The following SIN3A variants were observed in gnomAD, a reference collection of about 807,000 sequenced individuals.
SIN3A encodes the protein paired amphipathic helix protein Sin3a.
SIN3A carries 14 observed loss-of-function variants against 146.1 expected under a neutral mutation model. The observed-to-expected ratio is 0.10, with a 90% CI of 0.06 to 0.15. The LOEUF is 0.15. Among genes scored for constraint, SIN3A ranks in the 10% least tolerant of loss-of-function variants. The probability of loss-of-function intolerance (pLI) is 1.00; values close to 1 mark genes in which losing one functional copy is unlikely to be tolerated. For synonymous variants in SIN3A, 572 were observed against 572.0 expected, an observed-to-expected ratio of 1.00 and a Z score of 0.00; for missense variants, 1,028 against 1,576.0, an observed-to-expected ratio of 0.65 and a Z score of 5.89.
At chr15:75,431,939 C>G (rs933230101) in intron 1 of SIN3A, among the ~76,000 whole-genome samples, 2 of 152,202 alleles carry the variant, frequency 1.3e-5, no homozygotes, top group African/African-American at 4.8e-5. Context: ...TTTGTAAACT[C>G]AAGCCACAAA....
intron 1 of SIN3A, among the ~76,000 whole-genome samples, chr15:75,448,577 G>T (rs1391497190): frequency 6.6e-6 from 1 of 152,008 alleles, no homozygotes; most frequent in Non-Finnish European, 1.5e-5. Flanking sequence ...TTTTTCAAGG[G>T]GCGAGGAAGG....
chr15:75,409,379 A>G (rs1484174291), intron 8 of SIN3A, among the ~76,000 whole-genome samples: 1 of 152,160 alleles, frequency 6.6e-6, no homozygotes, highest in Non-Finnish European at 1.5e-5. Context: ...TAAACTCTGC[A>G]CTGAGTTTCT....
intron 1 of SIN3A, among the ~76,000 whole-genome samples, chr15:75,449,614 T>C (rs543984440): frequency 6.6e-6 from 1 of 152,348 alleles, no homozygotes; most frequent in East Asian, 1.9e-4. Context: ...AAGGCTACCC[T>C]GATCCACAAT....
rs547461617 is a variant in SIN3A at position 75,435,208 on chromosome 15, G to A, written c.-33-4800C>T. Among the ~76,000 whole-genome samples the A allele has an allele frequency of 4.0e-4, 61 of 151,946 alleles. No homozygotes were observed. The South Asian group carries it at 0.012, about 30-fold the overall frequency. ...AAAACATACTAGATTTTGGAATACT[G>A]AAACTATCAATTCCACTTTCAGGCC... On this transcript the variant is annotated intron_variant, in intron 1 of 20. Coordinates refer to ENST00000394947, the MANE Select transcript of SIN3A (RefSeq NM_001145358.2).
intron 1 of SIN3A, among the ~76,000 whole-genome samples, chr15:75,437,793 A>G (rs2074132124): frequency 6.6e-6 from 1 of 152,196 alleles, no homozygotes; most frequent in African/African-American, 2.4e-5. Flanking sequence ...GACATTATAA[A>G]AAGAAAAAAA....
intron 3 of SIN3A, among the ~76,000 whole-genome samples, chr15:75,418,830 C>A (rs1463078577): frequency 6.6e-6 from 1 of 152,086 alleles, no homozygotes; most frequent in Admixed American, 6.5e-5. Context: ...TCCCGGCTCA[C>A]CGCAAGCTCT....
chr15:75,429,177 T>C (rs1428093220), intron 2 of SIN3A, among the ~76,000 whole-genome samples: 1 of 152,140 alleles, frequency 6.6e-6, no homozygotes, highest in Admixed American at 6.6e-5. Context: ...CCCAGCTCTT[T>C]GGGAGGCTGG....
chr15:75,444,517 T>C (rs1418989498), intron 1 of SIN3A, among the ~76,000 whole-genome samples: 2 of 152,056 alleles, frequency 1.3e-5, no homozygotes, highest in Non-Finnish European at 2.9e-5. Context: ...TCATGAAATA[T>C]ACATCTTTAC....
At chr15:75,425,116 T>C (rs1232451093) in intron 2 of SIN3A, among the ~76,000 whole-genome samples, 1 of 152,208 alleles carries the variant, frequency 6.6e-6, no homozygotes, top group Admixed American at 6.5e-5. Context: ...ACAACTAATA[T>C]ATAGCAAAAT....
At chr15:75,425,848 T>C (rs1292899964) in intron 2 of SIN3A, among the ~76,000 whole-genome samples, 1 of 152,168 alleles carries the variant, frequency 6.6e-6, no homozygotes, top group East Asian at 1.9e-4. Context: ...AGAATAAAAC[T>C]TTTTTTCAAA....
chr15:75,397,633 T>C (rs1344718111), intron 12 of SIN3A, among the ~76,000 whole-genome samples: 1 of 152,226 alleles, frequency 6.6e-6, no homozygotes, highest in African/African-American at 2.4e-5. Context: ...GTGGGAGTTG[T>C]CTGTACTGAG....
intron 1 of SIN3A, among the ~76,000 whole-genome samples, chr15:75,441,528 A>T (rs922359110): frequency 6.6e-6 from 1 of 152,224 alleles, no homozygotes; most frequent in East Asian, 1.9e-4. Context: ...TCCTGGCCAC[A>T]AGCGATCCTC....
chr15:75,442,120 C>CAAAAAAAAAAA (rs57418865), intron 1 of SIN3A, among the ~76,000 whole-genome samples: 1 of 29,278 alleles, frequency 3.4e-5, no homozygotes, highest in Non-Finnish European at 5.3e-5. Flanking sequence ...GACTCTGTCT[C>CAAAAAAAAAAA]AAAAAAAAAA....
chr15:75,427,065 C>A (rs1458167744), intron 2 of SIN3A, among the ~76,000 whole-genome samples: 1 of 151,998 alleles, frequency 6.6e-6, no homozygotes, highest in African/African-American at 2.4e-5. Flanking sequence ...ATTTTATATC[C>A]TTTTTTTAAA....
chr15:75,396,555 G>C (rs2073308518), intron 12 of SIN3A, 59 bp from the exon 13 acceptor site: 2 of 1,218,256 alleles, frequency 1.6e-6, no homozygotes, highest in Non-Finnish European at 2.4e-6. Flanking sequence ...GAATAGAGTA[G>C]TGTTTAGAAG....
At chr15:75,445,361 A>C (rs748074338) in intron 1 of SIN3A, among the ~76,000 whole-genome samples, 4 of 129,622 alleles carry the variant, frequency 3.1e-5, no homozygotes, top group Non-Finnish European at 4.7e-5. Flanking sequence ...AGCCTGGGCG[A>C]CAGAGCGAGA....
intron 1 of SIN3A, among the ~76,000 whole-genome samples, chr15:75,440,562 A>C (rs1410956815): frequency 6.6e-6 from 1 of 152,152 alleles, no homozygotes; most frequent in Non-Finnish European, 1.5e-5. Flanking sequence ...TTTATTCCGT[A>C]CTTTCCTGGA....
upstream of SIN3A, chr15:75,453,219 G>GT (rs1189309315): frequency 3.3e-5 from 5 of 152,502 alleles, no homozygotes; most frequent in Admixed American, 3.3e-4. Context: ...CTGGCAGCAG[G>GT]TGGGCCTGAC....
At chr15:75,392,192 A>C (rs753445664) in intron 15 of SIN3A, 50 bp downstream of exon 15, 3 of 1,540,462 alleles carry the variant, frequency 1.9e-6, no homozygotes, top group African/African-American at 1.4e-5. Context: ...GGTGGCTCTA[A>C]GGTCCTCAAC....
Sources: gnomAD v4.1 joint callset for allele counts (sites outside exome capture counted in the v4.1 genomes callset) on GRCh38, gnomAD v4.1.1 for gene constraint, MANE v1.5 for transcripts, NCBI Gene and HGNC (gene_info 2026-07-23, HGNC 2026-07-21) for gene names.